Variants in IL1RAP observed in about 807,000 individuals in gnomAD.
IL1RAP encodes the protein interleukin-1 receptor accessory protein.
IL1RAP carries 35 observed loss-of-function variants against 60.7 expected under a neutral mutation model. The ratio of observed to expected loss-of-function variants is 0.58; its 90% CI spans 0.44 to 0.76. The LOEUF is 0.76. Ranked by LOEUF, IL1RAP falls within the 30% of genes least tolerant of loss-of-function variation. The pLI is 0.00. For missense variants in IL1RAP, 572 were observed against 693.9 expected (o/e 0.82, Z 1.97); for synonymous variants, 268 against 250.9 (o/e 1.07, Z -0.64).
Position 190,650,865 on chromosome 3 carries a change from C to G in IL1RAP, c.*2160C>G. ...GGCAAACAGGGAATAGTCTAGTCAC[C>G]AAAGGACCATTCTCTTGCCAATGCT... On this transcript the variant is annotated 3_prime_UTR_variant, in exon 12 of 12. Coordinates refer to ENST00000447382, the MANE Select transcript of IL1RAP (RefSeq NM_002182.4). 3.0e-6 allele frequency: 3 copies of G among 985,332 alleles called. No homozygotes were observed. The highest frequency in any genetic ancestry group is 3.6e-6 in the Non-Finnish European group (3 of 829,896). The allele number at this position is 985,332 out of a possible 1,614,324, so 61.0% of individuals were successfully genotyped here. A position where few individuals can be genotyped will look rare whatever the true frequency, so the allele number is the denominator to read the frequency against.
At chr3:190,533,243 A>T (rs1003704805) in intron 1 of IL1RAP, among the ~76,000 whole-genome samples, 1 of 152,208 alleles carries the variant, frequency 6.6e-6, no homozygotes, top group Non-Finnish European at 1.5e-5. Flanking sequence ...TATTACAATT[A>T]GGGCCATATG....
intron 9 of IL1RAP, among the ~76,000 whole-genome samples, chr3:190,637,763 A>C (rs1203846040): frequency 6.6e-6 from 1 of 152,038 alleles, no homozygotes; most frequent in African/African-American, 2.4e-5. Context: ...CTTATCAGTC[A>C]ATCCTTTCTA....
chr3:190,627,511 G>A (rs1380018079), intron 8 of IL1RAP, 62 bp downstream of exon 8: 63 of 1,524,014 alleles, frequency 4.1e-5, no homozygotes, highest in Non-Finnish European at 4.9e-5. Context: ...GATCTCTGAT[G>A]TGTGTTCTAG....
intron 3 of IL1RAP, among the ~76,000 whole-genome samples, chr3:190,584,420 A>C (rs1728269913): frequency 6.6e-6 from 1 of 152,184 alleles, no homozygotes; most frequent in Non-Finnish European, 1.5e-5. Flanking sequence ...GGTATGTTTA[A>C]CCTAATAAGA....
At chr3:190,647,849 A>G (rs1433540646) in intron 11 of IL1RAP, among the ~76,000 whole-genome samples, 1 of 152,226 alleles carries the variant, frequency 6.6e-6, no homozygotes, top group African/African-American at 2.4e-5. Flanking sequence ...CTGTCCTAGC[A>G]AAAGATAAAA....
At chr3:190,652,712 A>C (rs1214056300), downstream of IL1RAP, among the ~76,000 whole-genome samples, 1 of 152,186 alleles carries the variant, frequency 6.6e-6, no homozygotes, top group African/African-American at 2.4e-5. Context: ...CCATTACCAG[A>C]GGTATATAAG....
intron 3 of IL1RAP, among the ~76,000 whole-genome samples, chr3:190,577,026 G>A (rs893125164): frequency 1.1e-4 from 17 of 151,090 alleles, no homozygotes; most frequent in South Asian, 2.1e-4. Flanking sequence ...GCGTGAACCC[G>A]GGAGGCGGAG....
intron 4 of IL1RAP, among the ~76,000 whole-genome samples, chr3:190,607,190 C>G (rs1730406105): frequency 1.3e-5 from 2 of 152,010 alleles, no homozygotes; most frequent in African/African-American, 4.8e-5. Flanking sequence ...ATTTTGGTAC[C>G]AGATAAGCCA....
At chr3:190,647,982 T>A (rs1734155552) in intron 11 of IL1RAP, among the ~76,000 whole-genome samples, 2 of 152,206 alleles carry the variant, frequency 1.3e-5, no homozygotes. Flanking sequence ...GGCTAGACCA[T>A]AAGATGCCAC....
intron 3 of IL1RAP, among the ~76,000 whole-genome samples, chr3:190,585,995 GACTA>G (rs1368905966): frequency 2.6e-5 from 4 of 151,922 alleles, no homozygotes; most frequent in African/African-American, 9.7e-5. Flanking sequence ...CTGACTCATG[GACTA>G]ACTCATCATG....
chr3:190,627,237 GCTAA>G, intron 7 of IL1RAP, 82 bp from the exon 8 acceptor site: 3 of 1,179,690 alleles, frequency 2.5e-6, no homozygotes, highest in Non-Finnish European at 3.5e-6. Context: ...ACACTAATGG[GCTAA>G]CTTTGTCTTT....
intron 3 of IL1RAP, among the ~76,000 whole-genome samples, chr3:190,583,411 G>A (rs1728173184): frequency 6.6e-6 from 1 of 152,238 alleles, no homozygotes; most frequent in Non-Finnish European, 1.5e-5. Context: ...TTCTGAAGAA[G>A]CATAGACGTT....
In IL1RAP at chr3:190,568,692, A is replaced by C. The variant is rs139792209; in HGVS notation, c.64+4339A>C. Reference sequence around the variant, plus strand: ...TATAAACCAAGCCAACCAACCAAACAATTAACAAACAATAGCAGCAGATCC... The same window carrying C: ...TATAAACCAAGCCAACCAACCAAACCATTAACAAACAATAGCAGCAGATCC... On this transcript the variant is annotated intron_variant, in intron 3 of 11. Coordinates refer to ENST00000447382, the MANE Select transcript of IL1RAP (RefSeq NM_002182.4). Among the ~76,000 whole-genome samples the C allele has an allele frequency of 3.4e-3, 514 of 152,312 alleles. 2 individuals carry two copies. The highest frequency in any genetic ancestry group is 0.012 in the African/African-American group (494 of 41,560).
chr3:190,638,284 C>G (rs778372506), intron 9 of IL1RAP, among the ~76,000 whole-genome samples: 1 of 151,956 alleles, frequency 6.6e-6, no homozygotes. Context: ...GTGTTGTCAG[C>G]CTTCTTTGTT....
Position 190,609,170 on chromosome 3 carries a change from A to G in IL1RAP, c.526A>G (p.Thr176Ala). Residue 176 changes from threonine to alanine, a missense_variant, in exon 5 of 12, where the codon ACT becomes GCT. Transcript: ENST00000447382. Reference protein sequence around the residue: ...YFPSSVKPTITWYMGCYKIQN... With the variant: ...YFPSSVKPTIAWYMGCYKIQN... ...TCCTTCCAGTGTCAAACCGACTATC[A>G]CTTGGTATATGGTAAGGAAAATTAG... 1 of 1,608,992 alleles carries G rather than the reference A, an allele frequency of 6.2e-7. No homozygotes were observed. Among genetic ancestry groups the G allele is most frequent in the Non-Finnish European group, 8.5e-7 (1 of 1,176,992 alleles).
chr3:190,577,728 C>T (rs1577642741), intron 3 of IL1RAP, among the ~76,000 whole-genome samples: 4 of 151,978 alleles, frequency 2.6e-5, no homozygotes, highest in Admixed American at 6.6e-5. Context: ...GATGGGGTCT[C>T]GCTATGTTGC....
chr3:190,556,436 TC>T (rs1480012188), intron 2 of IL1RAP, among the ~76,000 whole-genome samples: 2 of 152,058 alleles, frequency 1.3e-5, no homozygotes, highest in African/African-American at 2.4e-5. Context: ...ACATGTCACA[TC>T]CTTTGATCCT....
chr3:190,613,189 T>A (rs1222552050), intron 5 of IL1RAP, among the ~76,000 whole-genome samples: 6 of 17,170 alleles, frequency 3.5e-4, no homozygotes, highest in Admixed American at 2.9e-3. Context: ...CTATGTAATG[T>A]CTTACTCTGC....
rs115415318 is a variant in IL1RAP at position 190,560,435 on chromosome 3, A to G, written c.-1-3854A>G. On this transcript the variant is annotated intron_variant, in intron 2 of 11. Transcript: ENST00000447382. ...AAGCAGGTTTAGCAGTTTCATGGTT[A>G]TAGGAGGTTTATCTAGCTGACTGCA... is the stretch of plus-strand genomic sequence containing the variant. Among the ~76,000 whole-genome samples the G allele has an allele frequency of 1.2e-3, 187 of 152,338 alleles. 1 individual carries two copies. Among genetic ancestry groups the G allele is most frequent in the African/African-American group, 4.4e-3 (185 of 41,580 alleles).
Sources: allele counts gnomAD v4.1 joint callset (sites outside exome capture counted in the v4.1 genomes callset), GRCh38; gene constraint gnomAD v4.1.1; transcripts MANE v1.5; gene names NCBI Gene and HGNC (gene_info 2026-07-23, HGNC 2026-07-21).